The following CYSLTR2 variants were observed in gnomAD, a reference collection of about 807,000 sequenced individuals.
CYSLTR2 encodes the protein G-protein coupled receptor GPCR21.
For synonymous variants in CYSLTR2, 179 were observed against 160.8 expected, an observed-to-expected ratio of 1.11 and a Z score of -0.86; for missense variants, 398 against 411.9, an observed-to-expected ratio of 0.97 and a Z score of 0.29.
In CYSLTR2 at chr13:48,706,989, T is replaced by C. The variant is rs199827365; in HGVS notation, c.172T>C (p.Leu58=). 9.1e-5 allele frequency: 147 copies of C among 1,614,148 alleles called. 3 individuals carry two copies. The Middle Eastern group carries it at 1.2e-3, about 13-fold the overall frequency. ...TTTCTGGGGAGTCTTGGGAAATGGG[T>C]TGTCCATATATGTTTTCCTGCAGCC... ...IFFWGVLGNG[L]SIYVFLQPYK... is the part of the protein sequence containing the mutation. The change falls in exon 5 of 5, where the codon TTG becomes CTG. Residue 58 remains leucine (L), a synonymous_variant. Transcript: ENST00000682523.
intron 1 of CYSLTR2, among the ~76,000 whole-genome samples, chr13:48,686,924 G>C (rs1953907564): frequency 1.3e-5 from 2 of 152,194 alleles, no homozygotes; most frequent in Admixed American, 1.3e-4. Context: ...GCGTATGTCT[G>C]TGAGGGTGTT....
Position 48,662,069 on chromosome 13 carries a change from T to C in CYSLTR2, c.-266+8052T>C, listed in dbSNP as rs117716408. On this transcript the variant is annotated intron_variant, in intron 1 of 4. Coordinates refer to ENST00000682523, the MANE Select transcript of CYSLTR2 (RefSeq NM_001308476.3). Reference sequence around the variant, plus strand: ...CTTCTATGAGATCAACTTTTTTTACTATTCCACATATGAGTGAGAACATAT... The same window carrying C: ...CTTCTATGAGATCAACTTTTTTTACCATTCCACATATGAGTGAGAACATAT... Among the ~76,000 whole-genome samples the C allele has an allele frequency of 4.9e-3, 739 of 152,332 alleles. 3 individuals carry two copies. The highest frequency in any genetic ancestry group is 0.014 in the Middle Eastern group (4 of 294).
intron 1 of CYSLTR2, among the ~76,000 whole-genome samples, chr13:48,664,958 T>G (rs974738865): frequency 6.6e-6 from 1 of 152,130 alleles, no homozygotes; most frequent in Non-Finnish European, 1.5e-5. Flanking sequence ...GCTATAAGCT[T>G]GCCTCTTAAC....
intron 1 of CYSLTR2, among the ~76,000 whole-genome samples, 192 bp from the exon 2 acceptor site, chr13:48,691,019 TC>T: frequency 6.6e-6 from 1 of 152,224 alleles, no homozygotes; most frequent in East Asian, 1.9e-4. Context: ...GTATAAGTAT[TC>T]TTTTTTTCTT....
chr13:48,690,672 A>T (rs892080627), intron 1 of CYSLTR2, among the ~76,000 whole-genome samples: 3 of 152,042 alleles, frequency 2.0e-5, no homozygotes, highest in African/African-American at 7.2e-5. Flanking sequence ...TTTATTGAGG[A>T]TTTTTACATT....
chr13:48,696,024 A>C (rs1954177410), intron 3 of CYSLTR2, among the ~76,000 whole-genome samples: 1 of 152,220 alleles, frequency 6.6e-6, no homozygotes, highest in South Asian at 2.1e-4. Flanking sequence ...CACTCTCACC[A>C]GCAATGTCTG....
chr13:48,672,019 T>C (rs1593954831), intron 1 of CYSLTR2, among the ~76,000 whole-genome samples: 5 of 152,258 alleles, frequency 3.3e-5, no homozygotes, highest in African/African-American at 7.2e-5. Flanking sequence ...TGGGAGGGTG[T>C]ATGTGTCCAG....
rs1952935096 is a variant in CYSLTR2 at position 48,653,967 on chromosome 13, G to A, written c.-316G>A. 1 of 152,192 alleles carries A rather than the reference G, an allele frequency of 6.6e-6. No homozygotes were observed. The highest frequency in any genetic ancestry group is 2.4e-5 in the African/African-American group (1 of 41,436). 9.4% of individuals were successfully genotyped at this position (152,192 alleles called of 1,614,324 possible). A position where few individuals can be genotyped will look rare whatever the true frequency, so the allele number is the denominator to read the frequency against. On this transcript the variant is annotated 5_prime_UTR_variant, in exon 1 of 5. Coordinates refer to ENST00000682523, the MANE Select transcript of CYSLTR2 (RefSeq NM_001308476.3). ...TGAATTACTCGGAGGAGAAAGGCAGGAGAGATAGAGGCAGCAGAAGCCAGG... is the reference window on the plus strand; with the variant it reads ...TGAATTACTCGGAGGAGAAAGGCAGAAGAGATAGAGGCAGCAGAAGCCAGG...
chr13:48,658,631 TC>T (rs1419526337), intron 1 of CYSLTR2, among the ~76,000 whole-genome samples: 1 of 152,074 alleles, frequency 6.6e-6, no homozygotes, highest in Non-Finnish European at 1.5e-5. Flanking sequence ...CATGGAGGGA[TC>T]AGAGAAGACT....
At chr13:48,679,884 T>C (rs1169664591) in intron 1 of CYSLTR2, among the ~76,000 whole-genome samples, 1 of 152,104 alleles carries the variant, frequency 6.6e-6, no homozygotes, top group Non-Finnish European at 1.5e-5. Flanking sequence ...CCAGAAGGGT[T>C]TCCAATGTGG....
intron 1 of CYSLTR2, among the ~76,000 whole-genome samples, chr13:48,656,848 A>C (rs760581145): frequency 1.3e-5 from 2 of 152,244 alleles, no homozygotes; most frequent in Non-Finnish European, 2.9e-5. Context: ...CTAATGCGGC[A>C]GCCAAATTGG....
At chr13:48,705,996 GTTGTTT>G (rs1486164219) in intron 4 of CYSLTR2, among the ~76,000 whole-genome samples, 1 of 128,590 alleles carries the variant, frequency 7.8e-6, no homozygotes, top group Non-Finnish European at 1.6e-5. Context: ...TTGTTTTGTT[GTTGTTT>G]TTTTTTTTTT....
chr13:48,695,390 T>TC (rs1385769284), intron 3 of CYSLTR2, among the ~76,000 whole-genome samples: 3 of 120,916 alleles, frequency 2.5e-5, no homozygotes, highest in African/African-American at 4.0e-5. Context: ...TCTTTCTTTC[T>TC]TTCTCTCTCT....
intron 1 of CYSLTR2, among the ~76,000 whole-genome samples, chr13:48,665,519 A>G (rs1373491873): frequency 3.3e-5 from 5 of 151,866 alleles, no homozygotes; most frequent in African/African-American, 1.2e-4. Flanking sequence ...TATACTTACA[A>G]CTGTTATTTT....
In CYSLTR2 at chr13:48,709,306, G is replaced by A. The variant is rs1179217773; in HGVS notation, c.*1448G>A. The A allele has an allele frequency of 6.0e-6, 1 of 167,048 alleles. No homozygotes were observed. Among genetic ancestry groups the A allele is most frequent in the Non-Finnish European group, 1.5e-5 (1 of 68,110 alleles). 10.3% of individuals were successfully genotyped at this position (167,048 alleles called of 1,614,324 possible). Reference sequence around the variant, plus strand: ...GTTGACTCATAGTACAGTAAAGGGTGGAGGTGATATGGCATTCTGAAAGTA... The same window carrying A: ...GTTGACTCATAGTACAGTAAAGGGTAGAGGTGATATGGCATTCTGAAAGTA... On this transcript the variant is annotated 3_prime_UTR_variant, in exon 5 of 5. Transcript: ENST00000682523.
At chr13:48,656,958 T>G (rs143289815) in intron 1 of CYSLTR2, among the ~76,000 whole-genome samples, 3 of 152,366 alleles carry the variant, frequency 2.0e-5, no homozygotes, top group African/African-American at 7.2e-5. Flanking sequence ...TATTTCTTTA[T>G]TTCTCAGGGT....
At chr13:48,680,274 G>T (rs762197970) in intron 1 of CYSLTR2, among the ~76,000 whole-genome samples, 3 of 152,162 alleles carry the variant, frequency 2.0e-5, no homozygotes, top group South Asian at 2.1e-4. Flanking sequence ...AGGGGTTAGT[G>T]GGGGAGGAGT....
chr13:48,692,223 CTA>C (rs1163931362), intron 2 of CYSLTR2, among the ~76,000 whole-genome samples: 1 of 151,822 alleles, frequency 6.6e-6, no homozygotes, highest in Admixed American at 6.6e-5. Context: ...ACAATAGTCA[CTA>C]GAAACAACAT....
chr13:48,706,719 C>A, intron 4 of CYSLTR2, 98 bp from the exon 5 acceptor site: 1 of 940,270 alleles, frequency 1.1e-6, no homozygotes, highest in Non-Finnish European at 1.6e-6. Flanking sequence ...AGTATTGCTC[C>A]CTGTTTCATT....
Sources: gnomAD v4.1 joint callset for allele counts (sites outside exome capture counted in the v4.1 genomes callset) on GRCh38, gnomAD v4.1.1 for gene constraint, MANE v1.5 for transcripts, NCBI Gene and HGNC (gene_info 2026-07-23, HGNC 2026-07-21) for gene names.